Variants in ERBB4 observed in about 807,000 individuals in gnomAD.
ERBB4 encodes erb-b2 receptor tyrosine kinase 4, also known as receptor tyrosine-protein kinase erbB-4.
ERBB4 carries 42 observed loss-of-function variants against 158.0 expected under a neutral mutation model. The observed-to-expected ratio is 0.27, with a 90% CI of 0.21 to 0.34. The LOEUF is 0.34. ERBB4 is among the 10% of genes least tolerant of loss of function. The pLI is 1.00. For missense variants in ERBB4, 1,333 were observed against 1,624.1 expected (o/e 0.82, Z 3.08); for synonymous variants, 583 against 558.7 (o/e 1.04, Z -0.61).
rs534363184 is a variant in ERBB4 at position 211,882,870 on chromosome 2, C to G, written c.421+64560G>C. Among the ~76,000 whole-genome samples, 14 of 152,266 alleles carry G rather than the reference C, an allele frequency of 9.2e-5. 1 individual carries two copies. In the South Asian group the frequency reaches 2.9e-3, roughly 32 times the overall value. ...GTAATTTATCTTCACTTCACTCAAT[C>G]CATATCTATTACCTATCTCCTTGTA... On this transcript the variant is annotated intron_variant, in intron 3 of 27. Transcript: ENST00000342788.
intron 2 of ERBB4, among the ~76,000 whole-genome samples, chr2:212,001,587 A>T (rs961652844): frequency 6.6e-6 from 1 of 152,206 alleles, no homozygotes; most frequent in Non-Finnish European, 1.5e-5. Context: ...TTAACAGCTC[A>T]TTACCACAGT....
chr2:212,179,590 C>G (rs2081790518), intron 1 of ERBB4, among the ~76,000 whole-genome samples: 1 of 151,442 alleles, frequency 6.6e-6, no homozygotes, highest in Non-Finnish European at 1.5e-5. Flanking sequence ...GTTGCTCACC[C>G]TTTAGCTGCA....
intron 2 of ERBB4, among the ~76,000 whole-genome samples, chr2:212,028,319 C>T (rs1390502757): frequency 6.6e-6 from 1 of 152,036 alleles, no homozygotes. Context: ...CTAAGCGACT[C>T]ACTATATTTT....
At chr2:212,229,550 G>C (rs1220912271) in intron 1 of ERBB4, among the ~76,000 whole-genome samples, 1 of 152,184 alleles carries the variant, frequency 6.6e-6, no homozygotes, top group Non-Finnish European at 1.5e-5. Flanking sequence ...TTCCAGTGAA[G>C]TCAAAGAGGG....
At position 211,445,572 on chromosome 2, in the gene ERBB4, G is replaced by C. The variant is rs147212991; in HGVS notation, c.2488-14472C>G. ...AGAGGAAATGAGAGAATCTTAAGAA[G>C]GTAAAACTAGCGACAGTATCAAATA... On this transcript the variant is annotated intron_variant, in intron 20 of 27. Transcript: ENST00000342788. Among the ~76,000 whole-genome samples, 6 of 152,144 alleles carry C rather than the reference G, an allele frequency of 3.9e-5. No homozygotes were observed. In the East Asian group the frequency reaches 9.7e-4, roughly 24 times the overall value.
At chr2:211,849,055 T>C (rs923864402) in intron 3 of ERBB4, among the ~76,000 whole-genome samples, 9 of 152,060 alleles carry the variant, frequency 5.9e-5, no homozygotes, top group Admixed American at 1.3e-4. Flanking sequence ...TCCCTGCTAA[T>C]TCTTAGACTG....
At chr2:212,313,144 T>C (rs954280534) in intron 1 of ERBB4, among the ~76,000 whole-genome samples, 2 of 150,840 alleles carry the variant, frequency 1.3e-5, no homozygotes, top group African/African-American at 4.8e-5. Flanking sequence ...ATCAATGTTA[T>C]ATACCAAAGT....
intron 19 of ERBB4, among the ~76,000 whole-genome samples, chr2:211,584,099 T>A (rs7602850): frequency 0.88 from 131,941 of 149,492 alleles, 58,433 homozygotes; most frequent in African/African-American, 0.95. Flanking sequence ...GCATGTCTGA[T>A]CTGCCTCAAG....
At chr2:211,567,323 G>A (rs1014499032) in intron 19 of ERBB4, among the ~76,000 whole-genome samples, 1 of 152,120 alleles carries the variant, frequency 6.6e-6, no homozygotes, top group Non-Finnish European at 1.5e-5. Flanking sequence ...ACAGCCCCAA[G>A]CACCTCACAT....
intron 1 of ERBB4, among the ~76,000 whole-genome samples, chr2:212,163,555 A>G (rs769383805): frequency 6.6e-5 from 10 of 152,038 alleles, no homozygotes; most frequent in Non-Finnish European, 1.3e-4. Flanking sequence ...TAATAAACTG[A>G]TAATGGCTCT....
At chr2:212,026,368 T>C (rs1306128098) in intron 2 of ERBB4, among the ~76,000 whole-genome samples, 1 of 151,756 alleles carries the variant, frequency 6.6e-6, no homozygotes, top group Admixed American at 6.6e-5. Context: ...ATAAACAGAA[T>C]ATTCATCGTT....
At chr2:212,414,435 T>C (rs1374559781) in intron 1 of ERBB4, among the ~76,000 whole-genome samples, 2 of 152,210 alleles carry the variant, frequency 1.3e-5, no homozygotes, top group African/African-American at 2.4e-5. Context: ...GAAGTTCATC[T>C]ACAATTTGAA....
At chr2:211,484,936 T>G (rs368159481) in intron 20 of ERBB4, among the ~76,000 whole-genome samples, 2 of 152,290 alleles carry the variant, frequency 1.3e-5, no homozygotes, top group South Asian at 2.1e-4. Flanking sequence ...GTGGCTACCA[T>G]AAGCTGCTCA....
intron 1 of ERBB4, among the ~76,000 whole-genome samples, chr2:212,286,689 C>G (rs1247241070): frequency 7.1e-6 from 1 of 141,014 alleles, no homozygotes; most frequent in African/African-American, 2.6e-5. Flanking sequence ...GCAGCCTTGA[C>G]CTCCTGAGTT....
At chr2:211,412,961 AAAAAG>A (rs2063295296) in intron 25 of ERBB4, among the ~76,000 whole-genome samples, 2 of 151,068 alleles carry the variant, frequency 1.3e-5, no homozygotes, top group Non-Finnish European at 3.0e-5. Flanking sequence ...AAAAAAAAAA[AAAAAG>A]AAAGAAAGAA....
At chr2:211,598,692 T>C (rs1401802627) in intron 19 of ERBB4, among the ~76,000 whole-genome samples, 1 of 152,234 alleles carries the variant, frequency 6.6e-6, no homozygotes, top group Non-Finnish European at 1.5e-5. Context: ...TTTATTTCTT[T>C]TGTATAGACT....
chr2:211,692,196 A>G (rs2072848809), intron 12 of ERBB4, among the ~76,000 whole-genome samples: 1 of 152,170 alleles, frequency 6.6e-6, no homozygotes, highest in Non-Finnish European at 1.5e-5. Context: ...GTCATCTTTC[A>G]TGAAGAATGA....
chr2:211,740,278 AT>A (rs1280924330), intron 5 of ERBB4, among the ~76,000 whole-genome samples: 1 of 151,970 alleles, frequency 6.6e-6, no homozygotes, highest in African/African-American at 2.4e-5. Flanking sequence ...TATACAAATT[AT>A]TTTTTAAAAT....
chr2:211,815,960 G>A (rs887338073), intron 3 of ERBB4, among the ~76,000 whole-genome samples: 6 of 152,042 alleles, frequency 3.9e-5, no homozygotes, highest in African/African-American at 1.4e-4. Flanking sequence ...AGTGTTGGGG[G>A]TGAGGGATTC....
Sources: allele counts gnomAD v4.1 joint callset (sites outside exome capture counted in the v4.1 genomes callset), GRCh38; gene constraint gnomAD v4.1.1; transcripts MANE v1.5; gene names NCBI Gene and HGNC (gene_info 2026-07-23, HGNC 2026-07-21).